ROGDI: variants seen among roughly 807,000 people sequenced by gnomAD.
The protein encoded by ROGDI is rogdi atypical leucine zipper, also known as protein rogdi homolog.
In ROGDI, 46 loss-of-function variants were observed where a neutral mutation model predicts 43.1. The ratio of observed to expected loss-of-function variants is 1.07; its 90% CI spans 0.84 to 1.37. ROGDI has a LOEUF of 1.37. Ranked by LOEUF, ROGDI falls within the 40% of genes most tolerant of loss-of-function variation. The pLI is 0.00. For missense variants in ROGDI, 518 were observed against 383.9 expected, an observed-to-expected ratio of 1.35 and a Z score of -2.92; for synonymous variants, 243 against 162.0, an observed-to-expected ratio of 1.50 and a Z score of -3.80.
chr16:4,799,410 CAT>C (rs1387432767), intron 6 of ROGDI, among the ~76,000 whole-genome samples: 1 of 152,154 alleles, frequency 6.6e-6, no homozygotes. Context: ...CAGCTCTTCA[CAT>C]GTGCCACGCG....
chr16:4,801,968 G>C (rs983454353), intron 2 of ROGDI: 4 of 577,666 alleles, frequency 6.9e-6, no homozygotes, highest in African/African-American at 5.5e-5. Context: ...GAGCTGCCTG[G>C]CTCATTTATC....
At chr16:4,797,580 A>G (rs572787878) in intron 10 of ROGDI, 79 bp from the exon 11 acceptor site, 18 of 611,626 alleles carry the variant, frequency 2.9e-5, no homozygotes, top group Non-Finnish European at 3.7e-5. Context: ...ACCCAAGGAC[A>G]ATATGTCAGG....
At chr16:4,801,404 C>T (rs1287342921) in intron 3 of ROGDI, 83 bp from the exon 4 acceptor site, 2 of 1,561,174 alleles carry the variant, frequency 1.3e-6, no homozygotes, top group Non-Finnish European at 8.7e-7. Context: ...CCCCTCCTGT[C>T]CCATCGCACA....
intron 7 of ROGDI, 31 bp from the exon 8 acceptor site, chr16:4,798,215 C>T: frequency 6.3e-7 from 1 of 1,575,506 alleles, no homozygotes. Context: ...GAGGCCCTCG[C>T]AAGCCCCCAG....
At position 4,798,620 on chromosome 16, in the gene ROGDI, G is replaced by A. The variant is rs1425221368; in HGVS notation, c.480C>T (p.Leu160=). 2.5e-6 allele frequency: 4 copies of A among 1,574,848 alleles called. No individual in the cohort carries two copies. The highest frequency in any genetic ancestry group is 1.2e-5 in the South Asian group (1 of 86,128). ...GGAGGGTGAGGGTGGCGGGGGTGGT[G>A]AGCCGGTTTCGGGCTCTGGTCAGCT... ...MLQLTRARNR[L]TTPATLTLPE... Residue 160 remains leucine (L), a synonymous_variant, in exon 7 of 11, where the codon CTC becomes CTT. Transcript: ENST00000322048.
At chr16:4,802,062 G>C (rs772716978) in intron 2 of ROGDI, 6 of 608,482 alleles carry the variant, frequency 9.9e-6, no homozygotes, top group South Asian at 7.6e-5. Context: ...CAGTGACTTG[G>C]CTGAAGTCAC....
Position 4,799,751 on chromosome 16 carries a change from C to A in ROGDI, c.367G>T (p.Ala123Ser). 6.2e-7 allele frequency: 1 copy of A among 1,613,760 alleles called. No individual in the cohort carries two copies. The highest frequency in any genetic ancestry group is 1.3e-5 in the African/African-American group (1 of 75,018). Residue 123 changes from alanine to serine, a missense_variant, in exon 6 of 11, where the codon GCC (alanine) becomes TCC (serine). Ala to Ser is a moderately conservative substitution (Grantham distance 99). Coordinates refer to ENST00000322048, the MANE Select transcript of ROGDI (RefSeq NM_024589.3). ...IQDARNHVSQ[A>S]IYLLTSRDQS... is the part of the protein sequence containing the mutation. Reference sequence around the variant, plus strand: ...TCCCGGCTGGTAAGCAGGTAAATGGCTTGGCTCACATGGTTTCTGGCATCC... The same window carrying A: ...TCCCGGCTGGTAAGCAGGTAAATGGATTGGCTCACATGGTTTCTGGCATCC...
intron 2 of ROGDI, chr16:4,802,151 C>A: frequency 1.5e-6 from 1 of 653,872 alleles, no homozygotes; most frequent in South Asian, 1.5e-5. Context: ...CGACCCGAGG[C>A]CGGGCGGGAC....
At chr16:4,797,893 G>A in intron 9 of ROGDI, 45 bp downstream of exon 9, 1 of 1,603,592 alleles carries the variant, frequency 6.2e-7, no homozygotes. Context: ...CAGGTGTGGA[G>A]GGATGGGGTG....
chr16:4,798,393 G>T, intron 7 of ROGDI, 176 bp downstream of exon 7: 1 of 701,376 alleles, frequency 1.4e-6, no homozygotes, highest in East Asian at 2.7e-5. Context: ...CCGAAACAGG[G>T]TTAACGTATT....
chr16:4,801,104 G>A (rs1025864076), intron 4 of ROGDI, 163 bp downstream of exon 4: 34 of 579,016 alleles, frequency 5.9e-5, no homozygotes, highest in African/African-American at 4.7e-4. Flanking sequence ...CACCGATCCC[G>A]GGAGAAGGTG....
At chr16:4,800,916 TCCCC>T (rs2082707352) in intron 4 of ROGDI, 1 of 487,280 alleles carries the variant, frequency 2.1e-6, no homozygotes, top group Admixed American at 3.8e-5. Context: ...GAGGGGGGCC[TCCCC>T]CCACGCCTTG....
Position 4,802,393 on chromosome 16 carries a change from C to A in ROGDI, c.106G>T (p.Asp36Tyr). The change falls in exon 2 of 11, where the codon GAC becomes TAC. Residue 36 changes from aspartate to tyrosine, a missense_variant. Coordinates refer to ENST00000322048, the MANE Select transcript of ROGDI (RefSeq NM_024589.3). ...GCGCGGGTCGTTACCTTGAGGATGT[C>A]CTGCAGCTGCTTCAACACAGCGTGC... ...EVHAVLKQLQ[D>Y]ILKEASLRFT... The A allele has an allele frequency of 2.5e-6, 4 of 1,571,200 alleles. No homozygotes were observed. Among genetic ancestry groups the A allele is most frequent in the Non-Finnish European group, 2.6e-6 (3 of 1,162,630 alleles).
chr16:4,801,863 G>T, intron 2 of ROGDI: 1 of 582,280 alleles, frequency 1.7e-6, no homozygotes, highest in Non-Finnish European at 3.1e-6. Context: ...TTGGTTGAGG[G>T]GGAAAGGGGC....
chr16:4,801,456 C>T (rs777225428), intron 3 of ROGDI, 47 bp downstream of exon 3: 5 of 1,573,440 alleles, frequency 3.2e-6, no homozygotes, highest in African/African-American at 1.3e-5. Context: ...ATGCCTCCTA[C>T]CCCCCAAGGT....
intron 6 of ROGDI, among the ~76,000 whole-genome samples, chr16:4,799,188 GTA>G (rs1567600087): frequency 1.3e-5 from 2 of 152,148 alleles, no homozygotes; most frequent in African/African-American, 4.8e-5. Flanking sequence ...GTGGCCATGA[GTA>G]CCAGGGTGAT....
rs745932601 is a variant in ROGDI at position 4,800,549 on chromosome 16, G to C, written c.285C>G (p.Asn95Lys). 1.7e-5 allele frequency: 27 copies of C among 1,567,792 alleles called. No individual in the cohort carries two copies. The South Asian group carries it at 3.0e-4, about 18-fold the overall frequency. Residue 95 changes from asparagine (N) to lysine (K), a missense_variant, in exon 5 of 11, where the codon AAC becomes AAG. Asn to Lys is a moderately conservative substitution (Grantham distance 94, BLOSUM62 0). Transcript: ENST00000322048. ...ADVNLKMPRN[N>K]QLLHFAFRED... ...CCCGGAAGGCGAAGTGCAGCAGCTG[G>C]TTGTTCCGGGGCATCTTCAGGTTCA...
chr16:4,798,448 G>T, intron 7 of ROGDI, 121 bp downstream of exon 7: 2 of 854,024 alleles, frequency 2.3e-6, no homozygotes, highest in Non-Finnish European at 3.5e-6. Context: ...CCAGAAACCT[G>T]CCTAGACAGA....
intron 4 of ROGDI, 119 bp downstream of exon 4, chr16:4,801,148 T>C (rs1252474447): frequency 1.3e-6 from 1 of 768,378 alleles, no homozygotes; most frequent in Admixed American, 3.1e-5. Context: ...AGGAGAAAAC[T>C]GAGGCCAGAG....
Sources: gnomAD v4.1 joint callset for allele counts (sites outside exome capture counted in the v4.1 genomes callset) on GRCh38, gnomAD v4.1.1 for gene constraint, MANE v1.5 for transcripts, NCBI Gene and HGNC (gene_info 2026-07-23, HGNC 2026-07-21) for gene names.